Variants in ADAMTS18 observed in about 807,000 individuals in gnomAD.
ADAMTS18 encodes ADAM metallopeptidase with thrombospondin type 1 motif 18.
A neutral mutation model predicts 165.9 loss-of-function variants in ADAMTS18; 157 were observed. The ratio of observed to expected loss-of-function variants is 0.95; its 90% CI spans 0.83 to 1.08. The LOEUF is 1.08. Among genes scored for constraint, ADAMTS18 ranks in the 50% least tolerant of loss-of-function variants. ADAMTS18 has a pLI of 0.00. For missense variants in ADAMTS18, 2,040 were observed against 1,534.0 expected (o/e 1.33, Z -5.51); for synonymous variants, 782 against 578.2 (o/e 1.35, Z -5.06).
Position 77,335,918 on chromosome 16 carries a change from G to A in ADAMTS18, c.1711-14C>T, listed in dbSNP as rs1263202220. The A allele has an allele frequency of 1.3e-5, 21 of 1,614,118 alleles. No homozygotes were observed. The Middle Eastern group carries it at 4.9e-4, about 38-fold the overall frequency. On this transcript the variant is annotated splice_polypyrimidine_tract_variant and intron_variant, in intron 11 of 22. Coordinates refer to ENST00000282849, the MANE Select transcript of ADAMTS18 (RefSeq NM_199355.4). Reference sequence around the variant, plus strand: ...TTGCCGACACCACTGTGAAAAGAACGTGTAAGATGGTTCCCGTCAGAGACC... The same window carrying A: ...TTGCCGACACCACTGTGAAAAGAACATGTAAGATGGTTCCCGTCAGAGACC...
At chr16:77,374,834 G>C (rs955353919) in intron 3 of ADAMTS18, among the ~76,000 whole-genome samples, 1 of 152,110 alleles carries the variant, frequency 6.6e-6, no homozygotes, top group Non-Finnish European at 1.5e-5. Context: ...TTCCTATTCA[G>C]AGTGACAAGG....
At chr16:77,350,114 T>C (rs1302497054) in intron 10 of ADAMTS18, among the ~76,000 whole-genome samples, 1 of 152,188 alleles carries the variant, frequency 6.6e-6, no homozygotes, top group East Asian at 1.9e-4. Flanking sequence ...CAGTAAGCAT[T>C]TCTAAAGTGC....
intron 1 of ADAMTS18, 39 bp from the exon 2 acceptor site, chr16:77,434,544 G>T: frequency 6.5e-7 from 1 of 1,534,832 alleles, no homozygotes. Flanking sequence ...GAGGGGCGCG[G>T]CGGGGCTGGC....
intron 16 of ADAMTS18, among the ~76,000 whole-genome samples, chr16:77,307,232 A>G (rs976207088): frequency 6.6e-6 from 1 of 152,198 alleles, no homozygotes; most frequent in Non-Finnish European, 1.5e-5. Context: ...TGTCTCACGG[A>G]AAGAATGGTT....
chr16:77,340,613 C>T (rs370889552), intron 11 of ADAMTS18, among the ~76,000 whole-genome samples: 2 of 152,156 alleles, frequency 1.3e-5, no homozygotes, highest in Admixed American at 6.5e-5. Context: ...CAGGGCCTAG[C>T]TCTGTGGCCC....
chr16:77,334,819 TA>T (rs2056277795), intron 12 of ADAMTS18, among the ~76,000 whole-genome samples: 1 of 123,546 alleles, frequency 8.1e-6, no homozygotes, highest in Non-Finnish European at 1.6e-5. Context: ...ATACAGTATA[TA>T]TACTATATAC....
At chr16:77,359,821 G>A (rs1401523908) in intron 7 of ADAMTS18, among the ~76,000 whole-genome samples, 1 of 152,140 alleles carries the variant, frequency 6.6e-6, no homozygotes, top group Non-Finnish European at 1.5e-5. Flanking sequence ...CTGAACAGTG[G>A]CATTAACGTC....
chr16:77,298,141 C>A (rs1049573532), intron 17 of ADAMTS18, among the ~76,000 whole-genome samples: 3 of 151,814 alleles, frequency 2.0e-5, no homozygotes, highest in African/African-American at 7.3e-5. Flanking sequence ...TGGTCTTGAA[C>A]TCCTGACCTC....
chr16:77,317,924 T>C (rs1200439044), intron 16 of ADAMTS18, among the ~76,000 whole-genome samples: 1 of 152,142 alleles, frequency 6.6e-6, no homozygotes, highest in Non-Finnish European at 1.5e-5. Flanking sequence ...AATTGCCTTA[T>C]TCATCACTAA....
At chr16:77,284,514 C>A (rs897815273) in intron 22 of ADAMTS18, among the ~76,000 whole-genome samples, 1 of 152,066 alleles carries the variant, frequency 6.6e-6, no homozygotes, top group African/African-American at 2.4e-5. Flanking sequence ...GGTCTTGGGC[C>A]CACCTCCCTT....
intron 16 of ADAMTS18, among the ~76,000 whole-genome samples, chr16:77,302,700 G>C (rs1263698098): frequency 6.6e-6 from 1 of 152,162 alleles, no homozygotes; most frequent in Admixed American, 6.5e-5. Flanking sequence ...TGCCTTTTGA[G>C]CTTCTAGGAC....
rs575380117 is a variant in ADAMTS18 at position 77,379,900 on chromosome 16, C to T, written c.496-12177G>A. On this transcript the variant is annotated intron_variant, in intron 3 of 22. Coordinates refer to ENST00000282849, the MANE Select transcript of ADAMTS18 (RefSeq NM_199355.4). The stretch of plus-strand genomic sequence containing the variant: ...CTGAGTCCTCTCCGCCTGTGGTTCA[C>T]GCAGCTGCATCACTGGGCAAAGTTG... Among the ~76,000 whole-genome samples, 12 of 152,278 alleles carry T rather than the reference C, an allele frequency of 7.9e-5. No individual in the cohort carries two copies. The East Asian group carries it at 1.4e-3, about 17-fold the overall frequency.
intron 3 of ADAMTS18, among the ~76,000 whole-genome samples, chr16:77,424,435 T>C (rs2057645386): frequency 6.9e-6 from 1 of 145,752 alleles, no homozygotes; most frequent in South Asian, 2.2e-4. Flanking sequence ...GCCATTGCAC[T>C]CCAGCCTGGG....
At chr16:77,376,484 C>G (rs944946704) in intron 3 of ADAMTS18, among the ~76,000 whole-genome samples, 2 of 152,162 alleles carry the variant, frequency 1.3e-5, no homozygotes, top group Non-Finnish European at 2.9e-5. Flanking sequence ...TGCCCCAACT[C>G]TCCACCCAGG....
intron 3 of ADAMTS18, among the ~76,000 whole-genome samples, chr16:77,404,597 G>A (rs1180805053): frequency 6.6e-6 from 1 of 152,214 alleles, no homozygotes; most frequent in African/African-American, 2.4e-5. Flanking sequence ...AGTAGATGGA[G>A]TAGTTAACAG....
intron 22 of ADAMTS18, among the ~76,000 whole-genome samples, chr16:77,286,915 A>T (rs1474066258): frequency 6.6e-6 from 1 of 152,186 alleles, no homozygotes; most frequent in East Asian, 1.9e-4. Context: ...TGGCTTCCCC[A>T]AGGTGGAGAT....
intron 14 of ADAMTS18, 96 bp from the exon 15 acceptor site, chr16:77,321,298 C>G: frequency 6.6e-7 from 1 of 1,513,646 alleles, no homozygotes; most frequent in South Asian, 1.1e-5. Context: ...ATTTACAGAA[C>G]ATTAGGGAAG....
At chr16:77,341,925 G>C (rs2056404673) in intron 10 of ADAMTS18, 126 bp from the exon 11 acceptor site, 1 of 768,698 alleles carries the variant, frequency 1.3e-6, no homozygotes. Context: ...TCAGAAAGTA[G>C]AGGCCAGTGA....
At chr16:77,285,469 G>GC (rs11435186) in intron 22 of ADAMTS18, among the ~76,000 whole-genome samples, 46,316 of 151,924 alleles carry the variant, frequency 0.3, 7,727 homozygotes, top group African/African-American at 0.41. Flanking sequence ...CACACCCCCG[G>GC]CCATTTTACT....
Sources: allele counts gnomAD v4.1 joint callset (sites outside exome capture counted in the v4.1 genomes callset), GRCh38; gene constraint gnomAD v4.1.1; transcripts MANE v1.5; gene names NCBI Gene and HGNC (gene_info 2026-07-23, HGNC 2026-07-21).